The following DSCAML1 variants were observed in gnomAD, a reference collection of about 807,000 sequenced individuals.
The protein encoded by DSCAML1 is cell adhesion molecule DSCAML1.
In DSCAML1, 38 loss-of-function variants were observed where a neutral mutation model predicts 200.5. That is an observed-to-expected ratio of 0.19 (90% CI 0.15 to 0.25). The LOEUF (loss-of-function observed/expected upper bound fraction) is 0.25, where lower values mean the gene tolerates loss of function less well. Among genes scored for constraint, DSCAML1 ranks in the 10% least tolerant of loss-of-function variants. The pLI is 1.00. For missense variants in DSCAML1, 2,223 were observed against 2,858.8 expected, an observed-to-expected ratio of 0.78 and a Z score of 5.07; for synonymous variants, 1,215 against 1,165.0, an observed-to-expected ratio of 1.04 and a Z score of -0.87.
intron 3 of DSCAML1, among the ~76,000 whole-genome samples, chr11:117,712,715 A>G (rs887854923): frequency 1.1e-4 from 16 of 152,026 alleles, no homozygotes; most frequent in Non-Finnish European, 1.5e-5. Context: ...ACCCTGCTCA[A>G]TCACGCTCAA....
intron 3 of DSCAML1, among the ~76,000 whole-genome samples, chr11:117,667,384 C>A (rs531225000): frequency 3.9e-5 from 6 of 152,300 alleles, no homozygotes; most frequent in African/African-American, 1.4e-4. Flanking sequence ...TGCACTCCAG[C>A]CTGGGTGACA....
intron 3 of DSCAML1, among the ~76,000 whole-genome samples, chr11:117,565,020 C>A (rs1474904082): frequency 6.6e-6 from 1 of 152,192 alleles, no homozygotes; most frequent in Non-Finnish European, 1.5e-5. Flanking sequence ...CCCACCTCGG[C>A]CTCCCAAAGT....
intron 3 of DSCAML1, among the ~76,000 whole-genome samples, chr11:117,616,213 C>T (rs1255023158): frequency 6.6e-6 from 1 of 152,144 alleles, no homozygotes; most frequent in East Asian, 1.9e-4. Flanking sequence ...CACCACCTCC[C>T]AAGGTTTTCA....
At chr11:117,566,049 A>C (rs1186677395) in intron 3 of DSCAML1, among the ~76,000 whole-genome samples, 2 of 152,226 alleles carry the variant, frequency 1.3e-5, no homozygotes, top group Non-Finnish European at 2.9e-5. Context: ...TAACATTTGT[A>C]AGCACTGGCC....
At chr11:117,434,784 C>T (rs553322561) in intron 27 of DSCAML1, among the ~76,000 whole-genome samples, 12 of 152,194 alleles carry the variant, frequency 7.9e-5, no homozygotes, top group African/African-American at 2.9e-4. Flanking sequence ...ATTCAATTAT[C>T]CACCCAATCA....
At chr11:117,701,901 G>A (rs1266244765) in intron 3 of DSCAML1, among the ~76,000 whole-genome samples, 1 of 152,196 alleles carries the variant, frequency 6.6e-6, no homozygotes, top group Non-Finnish European at 1.5e-5. Flanking sequence ...TGTACGTGGG[G>A]CACACAGTGC....
At chr11:117,515,699 C>T (rs2049750671) in intron 8 of DSCAML1, among the ~76,000 whole-genome samples, 2 of 145,214 alleles carry the variant, frequency 1.4e-5, no homozygotes, top group Non-Finnish European at 3.0e-5. Context: ...CGGCTCACTG[C>T]AACCTCTGCC....
At chr11:117,601,005 T>C (rs1033055485) in intron 3 of DSCAML1, among the ~76,000 whole-genome samples, 3 of 152,130 alleles carry the variant, frequency 2.0e-5, no homozygotes, top group Non-Finnish European at 2.9e-5. Context: ...AGTTCCCACC[T>C]CCTCAGCTGG....
chr11:117,767,368 T>A (rs2054917599), intron 3 of DSCAML1, among the ~76,000 whole-genome samples: 1 of 152,174 alleles, frequency 6.6e-6, no homozygotes, highest in African/African-American at 2.4e-5. Flanking sequence ...AGAAAAGCAC[T>A]TATCACGGAC....
intron 3 of DSCAML1, among the ~76,000 whole-genome samples, chr11:117,676,260 TGAGGCA>T (rs1294002194): frequency 6.6e-6 from 1 of 151,872 alleles, no homozygotes; most frequent in Non-Finnish European, 1.5e-5. Flanking sequence ...AGGCAGGGAA[TGAGGCA>T]GAGATATTAG....
At chr11:117,771,206 C>T (rs1292781723) in intron 3 of DSCAML1, among the ~76,000 whole-genome samples, 1 of 152,086 alleles carries the variant, frequency 6.6e-6, no homozygotes, top group Admixed American at 6.5e-5. Flanking sequence ...ACCTTCATGT[C>T]AGCCTGAACG....
chr11:117,663,889 C>A (rs868179856), intron 3 of DSCAML1, among the ~76,000 whole-genome samples: 2 of 152,212 alleles, frequency 1.3e-5, no homozygotes, highest in African/African-American at 4.8e-5. Flanking sequence ...TTATTTATAG[C>A]GTGACTGAAA....
Position 117,428,724 on chromosome 11 carries a change from C to T in DSCAML1, c.5766G>A (p.Val1922=). The part of the protein sequence containing the change: ...RKADGREPCP[V]VPPREASIRN... ...GGATGGAGGCCTCACGGGGTGGGACCACGGGGCAGGGCTCACGTCCATCTG... is the reference window on the plus strand; with the variant it reads ...GGATGGAGGCCTCACGGGGTGGGACTACGGGGCAGGGCTCACGTCCATCTG... The change falls in exon 33 of 33, where the codon GTG becomes GTA. Residue 1922 remains valine, a synonymous_variant. Transcript: ENST00000651296. The T allele has an allele frequency of 6.2e-7, 1 of 1,613,254 alleles. No homozygotes were observed. Among genetic ancestry groups the T allele is most frequent in the Non-Finnish European group, 8.5e-7 (1 of 1,179,770 alleles).
rs1040109229 is a variant in DSCAML1, at chr11:117,482,225, G to A, written c.2360-63C>T. On this transcript the variant is annotated intron_variant, in intron 11 of 32. Coordinates refer to ENST00000651296, the MANE Select transcript of DSCAML1 (RefSeq NM_020693.4). Reference sequence around the variant, plus strand: ...GGAGACCAGCCTGGAGGAGGCACGCGTGCCCTGCGCAGAAGCCCCCGCCCC... The same window carrying A: ...GGAGACCAGCCTGGAGGAGGCACGCATGCCCTGCGCAGAAGCCCCCGCCCC... 4.6e-5 allele frequency: 73 copies of A among 1,582,012 alleles called. No individual in the cohort carries two copies. In the Middle Eastern group the frequency reaches 8.8e-4, roughly 19 times the overall value.
At chr11:117,526,907 G>A (rs1332210000) in intron 4 of DSCAML1, among the ~76,000 whole-genome samples, 1 of 152,210 alleles carries the variant, frequency 6.6e-6, no homozygotes, top group East Asian at 1.9e-4. Flanking sequence ...GGAGGCTGAG[G>A]TGGGAAGATC....
chr11:117,767,301 G>A (rs1296386846), intron 3 of DSCAML1, among the ~76,000 whole-genome samples: 1 of 151,960 alleles, frequency 6.6e-6, no homozygotes, highest in Non-Finnish European at 1.5e-5. Flanking sequence ...CTGCAAAATG[G>A]GAATAATAAT....
At position 117,481,452 on chromosome 11, in the gene DSCAML1, C is replaced by T. The variant is rs1272380221; in HGVS notation, c.2560-182G>A. Among the ~76,000 whole-genome samples the T allele has an allele frequency of 9.5e-5, 14 of 148,054 alleles. No homozygotes were observed. In the Admixed American group the frequency reaches 9.5e-4, roughly 10 times the overall value. On this transcript the variant is annotated intron_variant, in intron 12 of 32. Coordinates refer to ENST00000651296, the MANE Select transcript of DSCAML1 (RefSeq NM_020693.4). ...CTTCCAAAGATGGAAGTATGGAGGG[C>T]TTCATACAGGGAGGGGCTGGGGGAC...
intron 3 of DSCAML1, among the ~76,000 whole-genome samples, chr11:117,535,494 G>A (rs548622163): frequency 1.0e-3 from 158 of 152,302 alleles, no homozygotes; most frequent in South Asian, 1.9e-3. Context: ...ACCCCCACTC[G>A]GGGCTGTGGG....
rs943434364 is a variant in DSCAML1, at chr11:117,469,326, A to AT, written c.3024+583dup. Among the ~76,000 whole-genome samples the AT allele has an allele frequency of 6.6e-6, 1 of 152,060 alleles. No individual in the cohort carries two copies. The highest frequency in any genetic ancestry group is 2.4e-5 in the African/African-American group (1 of 41,398). On this transcript the variant is annotated intron_variant, in intron 16 of 32. Transcript: ENST00000651296. The surrounding 1 kb of genome is among the most constrained non-coding windows in gnomAD (Gnocchi z 4.1). Reference sequence around the variant, plus strand: ...TTGGTGGTAGGGCCAGAAGATGCCCATTTCTGAGTCCTGCTCAAGGTCATT... The same window carrying AT: ...TTGGTGGTAGGGCCAGAAGATGCCCATTTTCTGAGTCCTGCTCAAGGTCATT...
Sources: allele counts gnomAD v4.1 joint callset (sites outside exome capture counted in the v4.1 genomes callset), GRCh38; gene constraint gnomAD v4.1.1; non-coding constraint Gnocchi (gnomAD v3.1); transcripts MANE v1.5; gene names NCBI Gene and HGNC (gene_info 2026-07-23, HGNC 2026-07-21).